LPCAT3: variants seen among roughly 807,000 people sequenced by gnomAD.
The protein encoded by LPCAT3 is lysophospholipid acyltransferase 5.
LPCAT3 carries 21 observed loss-of-function variants against 63.4 expected under a neutral mutation model. The ratio of observed to expected loss-of-function variants is 0.33; its 90% confidence interval spans 0.23 to 0.48. The LOEUF (loss-of-function observed/expected upper bound fraction) is 0.48, where lower values mean the gene tolerates loss of function less well. LPCAT3 is among the 20% of genes least tolerant of loss of function. LPCAT3 has a pLI of 0.99. For synonymous variants in LPCAT3, 242 were observed against 227.5 expected, an observed-to-expected ratio of 1.06 and a Z score of -0.58; for missense variants, 451 against 590.6, an observed-to-expected ratio of 0.76 and a Z score of 2.45.
chr12:7,017,185 C>G lies in LPCAT3; in HGVS notation c.151+1089G>C, dbSNP rs1303970006. On this transcript the variant is annotated intron_variant, in intron 1 of 12. Coordinates refer to ENST00000261407, the MANE Select transcript of LPCAT3 (RefSeq NM_005768.6). The surrounding 1 kb of genome is among the most constrained non-coding windows in gnomAD (Gnocchi z 4.1). ...TCTAGCCCCAGTCCTGTTTCCTTATCACCACTTACAGCTTTTGCTTAATCC... is the reference window on the plus strand; with the variant it reads ...TCTAGCCCCAGTCCTGTTTCCTTATGACCACTTACAGCTTTTGCTTAATCC... Among the ~76,000 whole-genome samples the G allele has an allele frequency of 6.6e-6, 1 of 152,218 alleles. No homozygotes were observed. The highest frequency in any genetic ancestry group is 1.5e-5 in the Non-Finnish European group (1 of 68,050).
In LPCAT3 at chr12:6,981,150, G is replaced by A. The variant is rs1456820249; in HGVS notation, c.531C>T (p.Ala177=). Residue 177 remains alanine, a synonymous_variant, in exon 6 of 13, where the codon GCC becomes GCT. Coordinates refer to ENST00000261407, the MANE Select transcript of LPCAT3 (RefSeq NM_005768.6). Reference sequence around the variant, plus strand: ...CCAGCAGGGAAGGAACACCACGTATGGCATATTTCTGTTGCTCAGAGGACA... The same window carrying A: ...CCAGCAGGGAAGGAACACCACGTATAGCATATTTCTGTTGCTCAGAGGACA... The part of the protein sequence containing the change: ...NSLSSEQQKY[A]IRGVPSLLEV... 2.5e-6 allele frequency: 4 copies of A among 1,612,660 alleles called. No homozygotes were observed. The African/African-American group carries it at 5.3e-5, about 22-fold the overall frequency.
intron 1 of LPCAT3, among the ~76,000 whole-genome samples, chr12:6,986,220 G>C (rs1454969282): frequency 1.3e-5 from 2 of 152,160 alleles, no homozygotes; most frequent in East Asian, 3.8e-4. Context: ...TGCCACTGCT[G>C]AGATGGCAAC....
chr12:7,009,462 T>C (rs1279750720), intron 1 of LPCAT3, among the ~76,000 whole-genome samples: 2 of 152,226 alleles, frequency 1.3e-5, no homozygotes, highest in Non-Finnish European at 2.9e-5. Context: ...GAGTAATAAG[T>C]ATAACCTGGC....
At chr12:7,007,761 C>A (rs1372663220) in intron 1 of LPCAT3, among the ~76,000 whole-genome samples, 1 of 152,166 alleles carries the variant, frequency 6.6e-6, no homozygotes, top group Non-Finnish European at 1.5e-5. Flanking sequence ...TCCCAAAGTG[C>A]TGGGATTACA....
At chr12:6,993,666 T>G (rs186466078) in intron 1 of LPCAT3, among the ~76,000 whole-genome samples, 23 of 152,222 alleles carry the variant, frequency 1.5e-4, no homozygotes, top group Admixed American at 1.2e-3. Context: ...CTGGCTTATT[T>G]CACTTAGCAT....
intron 1 of LPCAT3, among the ~76,000 whole-genome samples, chr12:7,007,644 A>G (rs1292489301): frequency 6.6e-6 from 1 of 150,526 alleles, no homozygotes; most frequent in Non-Finnish European, 1.5e-5. Context: ...ACAGGCGTGC[A>G]CCACCGTGCC....
intron 3 of LPCAT3, 112 bp downstream of exon 3, chr12:6,982,564 G>C: frequency 4.0e-6 from 3 of 746,586 alleles, no homozygotes; most frequent in Non-Finnish European, 7.0e-6. Flanking sequence ...TAAGTGCTGG[G>C]AGAGGGGTTA....
At chr12:6,989,064 G>A (rs1263505756) in intron 1 of LPCAT3, among the ~76,000 whole-genome samples, 1 of 151,648 alleles carries the variant, frequency 6.6e-6, no homozygotes, top group Non-Finnish European at 1.5e-5. Flanking sequence ...TGGAGGTTGT[G>A]GTGAGCCGAG....
chr12:6,981,578 G>A lies in LPCAT3; in HGVS notation c.498+17C>T, dbSNP rs373317061. The A allele has an allele frequency of 5.2e-4, 837 of 1,613,118 alleles. No homozygotes were observed. Among genetic ancestry groups the A allele is most frequent in the Non-Finnish European group, 6.7e-4 (793 of 1,179,204 alleles). On this transcript the variant is annotated intron_variant, in intron 5 of 12. Transcript: ENST00000261407. ...TCATTAAGTCTTGAACCTCTCTGCC[G>A]ATGAATGGGTACTTACCTGATCTTT...
At chr12:7,014,073 C>T (rs781994696) in intron 1 of LPCAT3, among the ~76,000 whole-genome samples, 1 of 152,332 alleles carries the variant, frequency 6.6e-6, no homozygotes, top group East Asian at 1.9e-4. Flanking sequence ...TAAGTCTTAC[C>T]ATCTCAGCAT....
At chr12:6,999,575 C>T (rs1483802565) in intron 1 of LPCAT3, among the ~76,000 whole-genome samples, 1 of 152,184 alleles carries the variant, frequency 6.6e-6, no homozygotes, top group African/African-American at 2.4e-5. Context: ...TAATGTTATA[C>T]ACACCCGTTG....
At chr12:7,005,652 T>C (rs782640832) in intron 1 of LPCAT3, among the ~76,000 whole-genome samples, 4 of 152,366 alleles carry the variant, frequency 2.6e-5, no homozygotes, top group South Asian at 4.1e-4. Flanking sequence ...TGATATATCA[T>C]TGTGGTTTTG....
intron 1 of LPCAT3, among the ~76,000 whole-genome samples, chr12:6,992,324 CA>C (rs1234943370): frequency 3.9e-3 from 511 of 132,420 alleles, no homozygotes; most frequent in Middle Eastern, 0.011. Context: ...GACCCTGCCT[CA>C]AAAAAAAAAA....
At chr12:7,003,719 G>A (rs1260801031) in intron 1 of LPCAT3, among the ~76,000 whole-genome samples, 2 of 151,476 alleles carry the variant, frequency 1.3e-5, no homozygotes, top group South Asian at 2.1e-4. Flanking sequence ...TCAGGAGATC[G>A]AGACCATCCT....
rs1555154306 is a variant in LPCAT3 at position 6,982,771 on chromosome 12, A to G, written c.271T>C (p.Tyr91His). Residue 91 changes from tyrosine (Y) to histidine (H), a missense_variant, in exon 3 of 13, where the codon TAC becomes CAC. By Grantham distance (83) the Tyr-to-His change is moderately conservative. This residue lies in a region of LPCAT3 where 133 missense variants were observed against 152.1 expected (regional missense o/e 0.87). Coordinates refer to ENST00000261407, the MANE Select transcript of LPCAT3 (RefSeq NM_005768.6). The part of the protein sequence containing the change: ...IAYFNFGNQL[Y>H]HSLLCIVLQF... The stretch of plus-strand genomic sequence containing the variant: ...AGCACAATACACAGCAGGGAGTGGT[A>G]GAGCTGGTTTCCTGGATGCAAGAAG... 3.1e-6 allele frequency: 5 copies of G among 1,612,826 alleles called. No homozygotes were observed. The South Asian group carries it at 5.5e-5, about 18-fold the overall frequency.
intron 1 of LPCAT3, among the ~76,000 whole-genome samples, chr12:7,000,355 A>C (rs2138352384): frequency 6.6e-6 from 1 of 151,562 alleles, no homozygotes; most frequent in African/African-American, 2.4e-5. Context: ...TGGGAGGCCG[A>C]GACAGGCAGA....
intron 1 of LPCAT3, among the ~76,000 whole-genome samples, chr12:6,998,190 A>T (rs1946654351): frequency 6.6e-6 from 1 of 151,552 alleles, no homozygotes; most frequent in South Asian, 2.1e-4. Context: ...TAATTTTAAA[A>T]TTTTTTGTAG....
Position 6,977,896 on chromosome 12 carries a change from A to ATTACTTTT in LPCAT3, c.1041-159_1041-152dup. 1 of 883,128 alleles carries ATTACTTTT rather than the reference A, an allele frequency of 1.1e-6. No homozygotes were observed. The highest frequency in any genetic ancestry group is 1.7e-6 in the Non-Finnish European group (1 of 572,354). The allele number at this position is 883,128 out of a possible 1,614,324, so 54.7% of individuals were successfully genotyped here. On this transcript the variant is annotated intron_variant, in intron 9 of 12. Coordinates refer to ENST00000261407, the MANE Select transcript of LPCAT3 (RefSeq NM_005768.6). This position sits in a 1 kb window ranked among gnomAD's most constrained non-coding sequence, Gnocchi z 4.5. ...AGGGTACAGGAGGCAGTGCTGACTGATTACTTTTAGAGATGGAAAGCAGAC... is the reference window on the plus strand; with the variant it reads ...AGGGTACAGGAGGCAGTGCTGACTGATTACTTTTTTACTTTTAGAGATGGAAAGCAGAC...
chr12:7,003,593 A>G (rs1946704813), intron 1 of LPCAT3, among the ~76,000 whole-genome samples: 1 of 152,174 alleles, frequency 6.6e-6, no homozygotes, highest in Non-Finnish European at 1.5e-5. Flanking sequence ...ACTTCTGTAC[A>G]TGGCACTGGT....
Sources: allele counts gnomAD v4.1 joint callset (sites outside exome capture counted in the v4.1 genomes callset), GRCh38; gene constraint gnomAD v4.1.1; regional missense constraint gnomAD v4.1.1; non-coding constraint Gnocchi (gnomAD v3.1); transcripts MANE v1.5; gene names NCBI Gene and HGNC (gene_info 2026-07-23, HGNC 2026-07-21).